The following PSMB2 variants were observed in gnomAD, a reference collection of about 807,000 sequenced individuals.
PSMB2 encodes proteasome subunit beta type-2.
A neutral mutation model predicts 25.7 loss-of-function variants in PSMB2; 13 were observed. That is an observed-to-expected ratio of 0.51 (90% CI 0.33 to 0.80). PSMB2 has a LOEUF of 0.80. PSMB2 is among the 30% of genes least tolerant of loss of function. The probability of loss-of-function intolerance (pLI) is 0.02; values close to 1 mark genes in which losing one functional copy is unlikely to be tolerated. For synonymous variants in PSMB2, 87 were observed against 96.2 expected (o/e 0.90, Z 0.56); for missense variants, 202 against 259.0 (o/e 0.78, Z 1.51).
Position 35,603,358 on chromosome 1 carries a change from A to T in PSMB2, c.515T>A (p.Ile172Asn). ...KCLEELQKRF[I>N]LNLPTFSVRI... ...AACACTGAAGGTTGGCAGATTCAGG[A>T]TGAAGCGTTTCTGGAGCTGCAGAGA... Residue 172 changes from isoleucine (I) to asparagine (N), a missense_variant, in exon 6 of 6, where the codon ATC becomes AAC. Physicochemically the swap from Ile to Asn is moderately radical, Grantham distance 149. Coordinates refer to ENST00000373237, the MANE Select transcript of PSMB2 (RefSeq NM_002794.5). 6.2e-7 allele frequency: 1 copy of T among 1,614,156 alleles called. No homozygotes were observed. Among genetic ancestry groups the T allele is most frequent in the Non-Finnish European group, 8.5e-7 (1 of 1,179,998 alleles).
At chr1:35,640,109 C>CTGTACTGTACTATACTATACTATCTATAT (rs1651354897) in intron 1 of PSMB2, among the ~76,000 whole-genome samples, 1 of 147,412 alleles carries the variant, frequency 6.8e-6, no homozygotes, top group African/African-American at 2.6e-5. Context: ...ACTATCTATA[C>CTGTACTGTACTATACTATACTATCTATAT]TAAATTACTC....
intron 3 of PSMB2, among the ~76,000 whole-genome samples, chr1:35,624,746 C>CT (rs1161173451): frequency 6.6e-6 from 1 of 151,410 alleles, no homozygotes; most frequent in African/African-American, 2.4e-5. Flanking sequence ...GAGCAAGACT[C>CT]TGTCTCAAAA....
chr1:35,638,257 CCT>C (rs764449389), intron 1 of PSMB2, among the ~76,000 whole-genome samples: 27 of 152,072 alleles, frequency 1.8e-4, no homozygotes, highest in Non-Finnish European at 3.2e-4. Context: ...CTTAGAGACC[CCT>C]GAGTTGTACA....
chr1:35,605,347 T>C, intron 4 of PSMB2, 65 bp from the exon 5 acceptor site: 1 of 1,507,982 alleles, frequency 6.6e-7, no homozygotes, highest in Admixed American at 1.8e-5. Flanking sequence ...TCAGAAGCTT[T>C]TGATTAAGTT....
intron 3 of PSMB2, among the ~76,000 whole-genome samples, chr1:35,629,503 T>C (rs1438858530): frequency 6.6e-6 from 1 of 152,124 alleles, no homozygotes; most frequent in African/African-American, 2.4e-5. Flanking sequence ...GAAAAAGTCA[T>C]AGAAAAACAC....
intron 5 of PSMB2, among the ~76,000 whole-genome samples, chr1:35,603,831 G>A (rs1012050141): frequency 2.0e-5 from 3 of 152,134 alleles, no homozygotes; most frequent in African/African-American, 7.2e-5. Context: ...CTTGAGCCCA[G>A]GAGTTCAAGA....
intron 5 of PSMB2, 75 bp downstream of exon 5, chr1:35,605,158 T>C (rs1459518198): frequency 6.9e-7 from 1 of 1,446,420 alleles, no homozygotes; most frequent in Non-Finnish European, 9.5e-7. Context: ...TGAAAAAATA[T>C]AACTGAGGAA....
At chr1:35,626,685 A>G (rs1440405376) in intron 3 of PSMB2, among the ~76,000 whole-genome samples, 1 of 152,240 alleles carries the variant, frequency 6.6e-6, no homozygotes, top group Non-Finnish European at 1.5e-5. Context: ...CATATCTAAG[A>G]GAAATACTTA....
At chr1:35,640,087 A>G (rs111607905) in intron 1 of PSMB2, among the ~76,000 whole-genome samples, 2 of 151,668 alleles carry the variant, frequency 1.3e-5, no homozygotes, top group African/African-American at 4.9e-5. Context: ...ATACTATACT[A>G]TACTATACTA....
At position 35,618,438 on chromosome 1, in the gene PSMB2, C is replaced by T. The variant is rs574922865; in HGVS notation, c.286-9030G>A. ...ATATGAACACATACAGTCTCACACT[C>T]GCACATGGAAGAAAGTAAAGAAAAT... On this transcript the variant is annotated intron_variant, in intron 3 of 5. Transcript: ENST00000373237. Among the ~76,000 whole-genome samples the T allele has an allele frequency of 1.1e-4, 16 of 151,662 alleles. No homozygotes were observed. In the East Asian group the frequency reaches 1.7e-3, roughly 17 times the overall value.
At position 35,602,929 on chromosome 1, in the gene PSMB2, T is replaced by C; in HGVS notation, c.*338A>G. 1 of 1,028,190 alleles carries C rather than the reference T, an allele frequency of 9.7e-7. No homozygotes were observed. The highest frequency in any genetic ancestry group is 1.2e-6 in the Non-Finnish European group (1 of 855,314). The allele number at this position is 1,028,190 out of a possible 1,614,324, so 63.7% of individuals were successfully genotyped here. Reference sequence around the variant, plus strand: ...AAAAGAACCACTACTTTAGAGAGAATGGAGATACTAGCAAGTAAAATATAT... The same window carrying C: ...AAAAGAACCACTACTTTAGAGAGAACGGAGATACTAGCAAGTAAAATATAT... On this transcript the variant is annotated 3_prime_UTR_variant, in exon 6 of 6. Coordinates refer to ENST00000373237, the MANE Select transcript of PSMB2 (RefSeq NM_002794.5).
intron 4 of PSMB2, among the ~76,000 whole-genome samples, chr1:35,606,116 C>T (rs1316604177): frequency 1.3e-5 from 2 of 152,132 alleles, no homozygotes; most frequent in East Asian, 3.8e-4. Flanking sequence ...TACCCACTGC[C>T]CACAGAGGCT....
chr1:35,631,406 T>C, intron 2 of PSMB2, 62 bp from the exon 3 acceptor site: 1 of 1,605,286 alleles, frequency 6.2e-7, no homozygotes, highest in Non-Finnish European at 8.5e-7. Flanking sequence ...GTGCCCCAAA[T>C]TATTCACTAC....
chr1:35,622,533 T>G (rs532626116), intron 3 of PSMB2, among the ~76,000 whole-genome samples: 27 of 152,298 alleles, frequency 1.8e-4, no homozygotes, highest in Non-Finnish European at 2.9e-4. Flanking sequence ...CATATACTGC[T>G]TCACTCCCAT....
In PSMB2 at chr1:35,603,258, G is replaced by A. The variant is rs757002246; in HGVS notation, c.*9C>T. 1.2e-6 allele frequency: 2 copies of A among 1,613,368 alleles called. No individual in the cohort carries two copies. The highest frequency in any genetic ancestry group is 2.7e-5 in the African/African-American group (2 of 74,868). On this transcript the variant is annotated 3_prime_UTR_variant, in exon 6 of 6. Transcript: ENST00000373237. ...AAGTTCCCTGGCAAGTGGGAGGGAGGACATGATGTTAGGAGCCCTGTTTGG... is the reference window on the plus strand; with the variant it reads ...AAGTTCCCTGGCAAGTGGGAGGGAGAACATGATGTTAGGAGCCCTGTTTGG...
intron 3 of PSMB2, among the ~76,000 whole-genome samples, chr1:35,627,191 C>T (rs114954855): frequency 0.015 from 2,172 of 140,438 alleles, 51 homozygotes; most frequent in African/African-American, 0.056. Context: ...TGTTTGAGCC[C>T]GGGAGGTTGA....
chr1:35,620,827 G>C (rs912407955), intron 3 of PSMB2, among the ~76,000 whole-genome samples: 1 of 151,762 alleles, frequency 6.6e-6, no homozygotes, highest in East Asian at 2.0e-4. Context: ...ACCATGCCCA[G>C]CTAATTTTTG....
At chr1:35,641,263 A>T in intron 1 of PSMB2, 79 bp downstream of exon 1, 1 of 1,552,646 alleles carries the variant, frequency 6.4e-7, no homozygotes, top group Non-Finnish European at 8.8e-7. Context: ...CCTCCCTGGT[A>T]CTTATTCAAC....
rs183728860 is a variant in PSMB2, at chr1:35,632,119, T to C, written c.215-775A>G. 2.6e-5 allele frequency among the ~76,000 whole-genome samples: 4 copies of C among 152,382 alleles called. No individual in the cohort carries two copies. In the East Asian group the frequency reaches 7.7e-4, roughly 29 times the overall value. Reference sequence around the variant, plus strand: ...TTTATTAAAAAAATATTTTAAATGTTACTTTATTAAGAAGTATAATATGAC... The same window carrying C: ...TTTATTAAAAAAATATTTTAAATGTCACTTTATTAAGAAGTATAATATGAC... On this transcript the variant is annotated intron_variant, in intron 2 of 5. Coordinates refer to ENST00000373237, the MANE Select transcript of PSMB2 (RefSeq NM_002794.5).
Sources: gnomAD v4.1 joint callset for allele counts (sites outside exome capture counted in the v4.1 genomes callset) on GRCh38, gnomAD v4.1.1 for gene constraint, MANE v1.5 for transcripts, NCBI Gene and HGNC (gene_info 2026-07-23, HGNC 2026-07-21) for gene names.